FTCDNL1: variants seen among roughly 807,000 people sequenced by gnomAD.
FTCDNL1 encodes formiminotransferase cyclodeaminase N-terminal like, also known as formiminotransferase N-terminal subdomain-containing protein.
A neutral mutation model predicts 5.9 loss-of-function variants in FTCDNL1; 11 were observed. That is an observed-to-expected ratio of 1.87 (90% confidence interval 1.18 to 3.10). FTCDNL1 has a LOEUF of 3.10. Ranked by LOEUF, FTCDNL1 falls within the 30% of genes most tolerant of loss-of-function variation. The pLI is 0.00. For synonymous variants in FTCDNL1, 58 were observed against 24.8 expected (o/e 2.34, Z -3.99); for missense variants, 115 against 65.5 (o/e 1.76, Z -2.61).
At chr2:199,704,885 G>A in the FTCDNL1 span, among the ~76,000 whole-genome samples, 7 of 152,200 alleles carry the variant, frequency 4.6e-5, no homozygotes, top group East Asian at 1.2e-3. Flanking sequence ...GCAATCTTTA[G>A]GCAAAATATG....
chr2:199,845,363 T>C (rs2076703448), intron 3 of FTCDNL1, among the ~76,000 whole-genome samples: 1 of 152,038 alleles, frequency 6.6e-6, no homozygotes, highest in Non-Finnish European at 1.5e-5. Flanking sequence ...GGTCAGGAGT[T>C]TGAGACCAGC....
intron 3 of FTCDNL1, among the ~76,000 whole-genome samples, chr2:199,795,261 T>A (rs1017716438): frequency 1.3e-5 from 2 of 152,150 alleles, no homozygotes; most frequent in Non-Finnish European, 2.9e-5. Context: ...TTTTACCCAC[T>A]TGTTAGGCTA....
chr2:199,799,139 C>T (rs937186549), intron 3 of FTCDNL1, among the ~76,000 whole-genome samples: 4 of 152,094 alleles, frequency 2.6e-5, no homozygotes, highest in Non-Finnish European at 5.9e-5. Context: ...TCATGTGCTA[C>T]GCTGAAAATA....
chr2:199,759,741 A>C (rs1230350062), downstream of FTCDNL1, among the ~76,000 whole-genome samples: 1 of 152,206 alleles, frequency 6.6e-6, no homozygotes, highest in Non-Finnish European at 1.5e-5. Flanking sequence ...TGGCTGTGAG[A>C]AGCTCATTTT....
intron 3 of FTCDNL1, among the ~76,000 whole-genome samples, chr2:199,798,033 T>A (rs779593511): frequency 6.6e-6 from 1 of 152,156 alleles, no homozygotes; most frequent in Non-Finnish European, 1.5e-5. Context: ...ATGTCTGTCT[T>A]TATGAGGAAT....
chr2:199,807,226 A>ACACCTTCTG (rs1700775018), downstream of FTCDNL1, among the ~76,000 whole-genome samples: 2 of 152,222 alleles, frequency 1.3e-5, no homozygotes, highest in Admixed American at 1.3e-4. Context: ...ATCCACCAGA[A>ACACCTTCTG]CACCTTCTGC....
In FTCDNL1 at chr2:199,811,870, A is replaced by C. The variant is rs1289688169; in HGVS notation, c.*835T>G. Among the ~76,000 whole-genome samples, 1 of 152,270 alleles carries C rather than the reference A, an allele frequency of 6.6e-6. No individual in the cohort carries two copies. The highest frequency in any genetic ancestry group is 1.5e-5 in the Non-Finnish European group (1 of 68,046). On this transcript the variant is annotated 3_prime_UTR_variant, in exon 5 of 5. Transcript: ENST00000420128. Reference sequence around the variant, plus strand: ...CTTAGACATAAGCCCTAAGGACAAGAGTTCAATAAAGAACATGACACGTAC... The same window carrying C: ...CTTAGACATAAGCCCTAAGGACAAGCGTTCAATAAAGAACATGACACGTAC...
At chr2:199,732,361 C>T in the FTCDNL1 span, among the ~76,000 whole-genome samples, 11 of 152,196 alleles carry the variant, frequency 7.2e-5, no homozygotes, top group African/African-American at 1.9e-4. Flanking sequence ...GGGAACTCCC[C>T]GGTTTGTTCA....
the FTCDNL1 span, among the ~76,000 whole-genome samples, chr2:199,673,406 C>A: frequency 1.3e-5 from 2 of 150,004 alleles, no homozygotes; most frequent in African/African-American, 4.9e-5. Flanking sequence ...TAAAATTAAT[C>A]ATGAATAAGA....
At chr2:199,724,728 T>C in the FTCDNL1 span, among the ~76,000 whole-genome samples, 1 of 152,196 alleles carries the variant, frequency 6.6e-6, no homozygotes, top group Non-Finnish European at 1.5e-5. Flanking sequence ...TCTAATTTAA[T>C]TGCGCTGTTT....
the FTCDNL1 span, among the ~76,000 whole-genome samples, chr2:199,751,082 T>C: frequency 4.6e-5 from 7 of 152,200 alleles, no homozygotes; most frequent in Non-Finnish European, 1.0e-4. Context: ...GACTGGATTA[T>C]ATTCCCAGCT....
downstream of FTCDNL1, among the ~76,000 whole-genome samples, chr2:199,806,662 T>C (rs1700741966): frequency 6.6e-6 from 1 of 152,192 alleles, no homozygotes. Flanking sequence ...ATTTCAGTTA[T>C]ATTTTCCTTA....
In FTCDNL1 at chr2:199,850,541, A is replaced by G. The variant is rs550515395; in HGVS notation, c.-8+199T>C. Among the ~76,000 whole-genome samples, 27 of 152,352 alleles carry G rather than the reference A, an allele frequency of 1.8e-4. 1 individual carries two copies. The South Asian group carries it at 4.8e-3, about 27-fold the overall frequency. On this transcript the variant is annotated intron_variant, in intron 1 of 4. Coordinates refer to ENST00000420128, the MANE Select transcript of FTCDNL1 (RefSeq NM_001363886.2). ...CGAAGCTGAAATGAGCGGCAGTACC[A>G]GGCTCAGAAAGTGACCCAAACGCAA...
the FTCDNL1 span, among the ~76,000 whole-genome samples, chr2:199,751,062 G>T: frequency 1.3e-5 from 2 of 152,144 alleles, no homozygotes; most frequent in African/African-American, 4.8e-5. Context: ...CTATAACCTT[G>T]CGGACCTGAG....
At chr2:199,776,300 G>T (rs1156426347) in intron 3 of FTCDNL1, among the ~76,000 whole-genome samples, 1 of 152,186 alleles carries the variant, frequency 6.6e-6, no homozygotes, top group African/African-American at 2.4e-5. Context: ...GGAAACAGAT[G>T]TCTGACATCT....
the FTCDNL1 span, among the ~76,000 whole-genome samples, chr2:199,747,650 G>A: frequency 3.3e-5 from 5 of 151,668 alleles, no homozygotes; most frequent in African/African-American, 7.3e-5. Context: ...CCTTTTCCCC[G>A]GAGGCCAGCT....
At chr2:199,827,847 T>C (rs1475777471) in intron 3 of FTCDNL1, among the ~76,000 whole-genome samples, 1 of 152,176 alleles carries the variant, frequency 6.6e-6, no homozygotes, top group Non-Finnish European at 1.5e-5. Context: ...TAGGCTGGCA[T>C]GTTCCTACTT....
chr2:199,697,603 C>A, the FTCDNL1 span, among the ~76,000 whole-genome samples: 1 of 152,150 alleles, frequency 6.6e-6, no homozygotes, highest in Non-Finnish European at 1.5e-5. Flanking sequence ...TACCACCAGA[C>A]CTGCTTTAAA....
the FTCDNL1 span, among the ~76,000 whole-genome samples, chr2:199,749,010 C>T: frequency 6.6e-6 from 1 of 152,296 alleles, no homozygotes; most frequent in South Asian, 2.1e-4. Context: ...TCTCTCAGCC[C>T]CTCCACCCAA....
Sources: gnomAD v4.1 joint callset for allele counts (sites outside exome capture counted in the v4.1 genomes callset) on GRCh38, gnomAD v4.1.1 for gene constraint, MANE v1.5 for transcripts, NCBI Gene and HGNC (gene_info 2026-07-23, HGNC 2026-07-21) for gene names.